PTPRT: variants seen among roughly 807,000 people sequenced by gnomAD.
PTPRT encodes receptor-type tyrosine-protein phosphatase T.
In PTPRT, 56 loss-of-function variants were observed where a neutral mutation model predicts 176.8. That is an observed-to-expected ratio of 0.32 (90% confidence interval 0.26 to 0.40). The LOEUF (loss-of-function observed/expected upper bound fraction) is 0.40, where lower values mean the gene tolerates loss of function less well. Among genes scored for constraint, PTPRT ranks in the 10% least tolerant of loss-of-function variants. The pLI, the probability that PTPRT is intolerant of heterozygous loss-of-function variation, is 1.00. For missense variants in PTPRT, 1,540 were observed against 1,908.2 expected (o/e 0.81, Z 3.60); for synonymous variants, 783 against 739.0 (o/e 1.06, Z -0.96).
At chr20:42,511,799 G>C (rs1288407403) in intron 7 of PTPRT, among the ~76,000 whole-genome samples, 1 of 151,928 alleles carries the variant, frequency 6.6e-6, no homozygotes, top group African/African-American at 2.4e-5. Context: ...TACACCCTGG[G>C]CCTTTGCAGA....
intron 17 of PTPRT, among the ~76,000 whole-genome samples, chr20:42,158,933 A>G (rs1216369766): frequency 6.6e-6 from 1 of 152,232 alleles, no homozygotes; most frequent in African/African-American, 2.4e-5. Context: ...ACAAAAGGGT[A>G]CAACGAAGAA....
At chr20:42,450,842 C>G (rs1043337426) in intron 8 of PTPRT, among the ~76,000 whole-genome samples, 1 of 152,102 alleles carries the variant, frequency 6.6e-6, no homozygotes, top group Non-Finnish European at 1.5e-5. Flanking sequence ...GAAAGAGAGA[C>G]AGACATTAAG....
chr20:42,276,528 T>C (rs1600767482), intron 13 of PTPRT, among the ~76,000 whole-genome samples: 1 of 46,492 alleles, frequency 2.2e-5, no homozygotes, highest in African/African-American at 7.3e-5. Flanking sequence ...TATATATATA[T>C]ATATATATAT....
chr20:43,126,864 A>G (rs2013458417), intron 1 of PTPRT, among the ~76,000 whole-genome samples: 1 of 152,134 alleles, frequency 6.6e-6, no homozygotes, highest in Admixed American at 6.5e-5. Flanking sequence ...ACATCCATAG[A>G]GTGCTTCTTC....
chr20:42,278,862 T>C (rs2057092346), intron 13 of PTPRT, among the ~76,000 whole-genome samples: 1 of 152,098 alleles, frequency 6.6e-6, no homozygotes, highest in African/African-American at 2.4e-5. Context: ...AGCTTCCACA[T>C]GCTCCATTTT....
Position 42,706,179 on chromosome 20 carries a change from T to TTGTGTGTGTG in PTPRT, c.860-28030_860-28021dup, listed in dbSNP as rs369232610. ...TCTTTATCTCTCTCTCTCTCTCTGT[T>TTGTGTGTGTG]TGTGTGTGTGTGTGTGTGTGTGTGT... On this transcript the variant is annotated intron_variant, in intron 6 of 30. Transcript: ENST00000373187. Among the ~76,000 whole-genome samples the TTGTGTGTGTG allele has an allele frequency of 4.3e-3, 532 of 123,534 alleles. 6 individuals carry two copies. The highest frequency in any genetic ancestry group is 0.013 in the African/African-American group (498 of 37,432). The allele number at this position is 123,534 out of a possible 152,430, so 81.0% of individuals were successfully genotyped here.
At chr20:42,751,495 T>C (rs2076769476) in intron 6 of PTPRT, among the ~76,000 whole-genome samples, 1 of 152,144 alleles carries the variant, frequency 6.6e-6, no homozygotes, top group Non-Finnish European at 1.5e-5. Context: ...ATGCAAAGTA[T>C]TGTTTCTGGG....
chr20:43,103,014 T>C (rs1277336549), intron 1 of PTPRT, among the ~76,000 whole-genome samples: 2 of 151,758 alleles, frequency 1.3e-5, no homozygotes, highest in Non-Finnish European at 2.9e-5. Context: ...TGAGATTAAG[T>C]AGGGGAAGGA....
downstream of PTPRT, among the ~76,000 whole-genome samples, chr20:42,069,476 G>C (rs867471309): frequency 2.6e-5 from 4 of 152,242 alleles, no homozygotes; most frequent in African/African-American, 9.6e-5. Context: ...GTATATGGCA[G>C]GTCTTGGGGT....
rs114847578 is a variant in PTPRT, at chr20:42,791,755, T to C, written c.215-289A>G. On this transcript the variant is annotated intron_variant, in intron 2 of 30. Coordinates refer to ENST00000373187, the MANE Select transcript of PTPRT (RefSeq NM_007050.6). ...CTACTATTGCTATTTGCAGAAAACA[T>C]AGCTACTATTACTGTTTGCAGAAAA... Among the ~76,000 whole-genome samples the C allele has an allele frequency of 7.9e-3, 1,208 of 152,364 alleles. 16 individuals carry two copies. The highest frequency in any genetic ancestry group is 0.028 in the African/African-American group (1,159 of 41,588).
intron 8 of PTPRT, among the ~76,000 whole-genome samples, chr20:42,463,178 G>GTC (rs148212646): frequency 0.045 from 6,784 of 150,610 alleles, 475 homozygotes; most frequent in African/African-American, 0.15. Context: ...ATTAAACTAG[G>GTC]TCTCTCTCTC....
chr20:43,026,595 A>C (rs1033469478), intron 1 of PTPRT, among the ~76,000 whole-genome samples: 4 of 152,238 alleles, frequency 2.6e-5, no homozygotes, highest in Non-Finnish European at 5.9e-5. Flanking sequence ...TGTGTTACAA[A>C]GAATCCAATT....
chr20:42,559,964 T>G (rs61055710), intron 7 of PTPRT, among the ~76,000 whole-genome samples: 14,828 of 152,208 alleles, frequency 0.097, 807 homozygotes, highest in East Asian at 0.18. Flanking sequence ...TCCTGCACAT[T>G]TTCTCTTCCC....
chr20:42,387,786 A>G (rs1187593637), intron 9 of PTPRT, among the ~76,000 whole-genome samples: 1 of 150,786 alleles, frequency 6.6e-6, no homozygotes, highest in Non-Finnish European at 1.5e-5. Context: ...CAGGGATGCT[A>G]ATATTCTTTT....
chr20:42,034,352 CA>C, the PTPRT span, among the ~76,000 whole-genome samples: 743 of 152,210 alleles, frequency 4.9e-3, 2 homozygotes, highest in African/African-American at 0.017. Flanking sequence ...CTTGCTTCAT[CA>C]GAGCAAACAC....
intron 1 of PTPRT, among the ~76,000 whole-genome samples, chr20:43,051,625 T>TAAAAAAAAAAACAAAAAAAAAAA (rs1987044593): frequency 1.1e-5 from 1 of 91,980 alleles, no homozygotes; most frequent in African/African-American, 5.3e-5. Flanking sequence ...TCTGTAACTG[T>TAAAAAAAAAAACAAAAAAAAAAA]AAAAAAAAAA....
intron 12 of PTPRT, among the ~76,000 whole-genome samples, chr20:42,294,070 T>C (rs1409379446): frequency 6.6e-6 from 1 of 152,166 alleles, no homozygotes; most frequent in Non-Finnish European, 1.5e-5. Flanking sequence ...AAGAACCAGA[T>C]ATAAATGAAA....
At chr20:43,106,222 GC>G (rs2012597865) in intron 1 of PTPRT, among the ~76,000 whole-genome samples, 1 of 152,156 alleles carries the variant, frequency 6.6e-6, no homozygotes, top group Non-Finnish European at 1.5e-5. Context: ...CCCTCTCTAA[GC>G]CTCTTCAGTA....
chr20:42,221,615 G>A (rs977110161), intron 15 of PTPRT, among the ~76,000 whole-genome samples: 1 of 151,294 alleles, frequency 6.6e-6, no homozygotes, highest in South Asian at 2.1e-4. Flanking sequence ...CAACTCCCAG[G>A]TTCAAGCGAT....
Sources: gnomAD v4.1 joint callset for allele counts (sites outside exome capture counted in the v4.1 genomes callset) on GRCh38, gnomAD v4.1.1 for gene constraint, MANE v1.5 for transcripts, NCBI Gene and HGNC (gene_info 2026-07-23, HGNC 2026-07-21) for gene names.